TENM1: variants seen among roughly 807,000 people sequenced by gnomAD.
TENM1 encodes the protein teneurin transmembrane protein 1, also known as teneurin-1.
Under a neutral mutation model 174.8 loss-of-function variants are expected in TENM1, and 35 were observed. That is an observed-to-expected ratio of 0.20 (90% CI 0.15 to 0.27). The LOEUF (loss-of-function observed/expected upper bound fraction) is 0.27, where lower values mean the gene tolerates loss of function less well. TENM1 is among the 10% of genes least tolerant of loss of function. The pLI, the probability that TENM1 is intolerant of heterozygous loss-of-function variation, is 1.00. For missense variants in TENM1, 1,633 were observed against 2,130.1 expected, an observed-to-expected ratio of 0.77 and a Z score of 4.59; for synonymous variants, 781 against 798.7, an observed-to-expected ratio of 0.98 and a Z score of 0.37.
the TENM1 span, among the ~76,000 whole-genome samples, chrX:125,172,987 C>T: frequency 9.0e-6 from 1 of 111,485 alleles, no homozygotes; most frequent in East Asian, 2.8e-4. Context: ...GCTTGATAAA[C>T]CACATAGCTG....
At chrX:125,123,125 T>C in the TENM1 span, among the ~76,000 whole-genome samples, 74 of 111,917 alleles carry the variant, frequency 6.6e-4, no homozygotes, top group Middle Eastern at 9.2e-3. Context: ...ATTACACAAC[T>C]GAACATACTT....
At chrX:124,907,551 C>A (rs1358432699) in intron 1 of TENM1, among the ~76,000 whole-genome samples, 1 of 111,776 alleles carries the variant, frequency 8.9e-6, no homozygotes, top group Non-Finnish European at 1.9e-5. Context: ...CTCTCATAAT[C>A]CTGGCTATTC....
the TENM1 span, among the ~76,000 whole-genome samples, chrX:124,999,921 T>C: frequency 1.5e-3 from 164 of 111,673 alleles, no homozygotes; most frequent in Non-Finnish European, 2.1e-3. Context: ...AAACACCTTA[T>C]TGTCTTTCAA....
intron 11 of TENM1, among the ~76,000 whole-genome samples, chrX:124,637,378 G>A (rs748792238): frequency 1.8e-5 from 2 of 110,689 alleles, no homozygotes; most frequent in Middle Eastern, 4.7e-3. Context: ...GTGAGCCACC[G>A]CGCCTGGCCC....
At chrX:124,470,202 A>C (rs2061284098) in intron 22 of TENM1, among the ~76,000 whole-genome samples, 1 of 112,277 alleles carries the variant, frequency 8.9e-6, no homozygotes, top group Admixed American at 9.5e-5. Flanking sequence ...GATTAAAAAC[A>C]AGCAACAAGT....
upstream of TENM1, among the ~76,000 whole-genome samples, chrX:124,967,319 G>A (rs1030872155): frequency 3.6e-5 from 4 of 111,405 alleles, no homozygotes; most frequent in South Asian, 7.8e-4. Flanking sequence ...GGCTTCCAGA[G>A]ATGTAGTTTT....
At chrX:124,776,770 G>A (rs1378867930) in intron 3 of TENM1, among the ~76,000 whole-genome samples, 1 of 111,342 alleles carries the variant, frequency 9.0e-6, no homozygotes, top group Non-Finnish European at 1.9e-5. Context: ...AGATGGGCTG[G>A]ACACACAAAT....
At chrX:124,489,488 T>C (rs771890487) in intron 20 of TENM1, among the ~76,000 whole-genome samples, 8 of 111,872 alleles carry the variant, frequency 7.2e-5, no homozygotes, top group Admixed American at 1.9e-4. Context: ...ATTTTCATCA[T>C]GCTATGAAGA....
intron 25 of TENM1, among the ~76,000 whole-genome samples, chrX:124,414,959 C>A (rs933741624): frequency 4.5e-5 from 5 of 111,805 alleles, no homozygotes; most frequent in Non-Finnish European, 9.4e-5. Context: ...CATAAAGAAG[C>A]CTCCCTTTTA....
At chrX:124,519,256 T>G (rs938892198) in intron 18 of TENM1, among the ~76,000 whole-genome samples, 3 of 111,791 alleles carry the variant, frequency 2.7e-5, no homozygotes, top group African/African-American at 9.8e-5. Context: ...TTCTTATTTT[T>G]TTGTGTGTCT....
chrX:125,183,445 A>C, the TENM1 span, among the ~76,000 whole-genome samples: 1 of 111,991 alleles, frequency 8.9e-6, no homozygotes, highest in Admixed American at 9.5e-5. Flanking sequence ...TAAATGTTTT[A>C]ATATGAACTC....
At chrX:124,647,898 T>C (rs1343260287) in intron 8 of TENM1, among the ~76,000 whole-genome samples, 1 of 111,802 alleles carries the variant, frequency 8.9e-6, no homozygotes, top group Non-Finnish European at 1.9e-5. Flanking sequence ...TCAATCTAAA[T>C]TACCTGCTTC....
intron 19 of TENM1, among the ~76,000 whole-genome samples, chrX:124,500,957 C>A (rs1176773634): frequency 9.0e-6 from 1 of 111,531 alleles, no homozygotes; most frequent in African/African-American, 3.3e-5. Flanking sequence ...CTTCTCCTCC[C>A]AGTAAAACCA....
intron 5 of TENM1, among the ~76,000 whole-genome samples, chrX:124,684,311 G>A (rs2052307385): frequency 1.8e-5 from 2 of 112,034 alleles, no homozygotes; most frequent in African/African-American, 6.5e-5. Context: ...AGTATCTGGT[G>A]GAACACAGAC....
chrX:125,115,720 T>C, the TENM1 span, among the ~76,000 whole-genome samples: 29 of 110,614 alleles, frequency 2.6e-4, no homozygotes, highest in East Asian at 8.0e-3. Context: ...TACAAGCCAC[T>C]TGTCAAGGAA....
At chrX:124,500,339 A>G (rs2047300685) in intron 19 of TENM1, among the ~76,000 whole-genome samples, 1 of 112,188 alleles carries the variant, frequency 8.9e-6, no homozygotes, top group Non-Finnish European at 1.9e-5. Flanking sequence ...TGTTTCAAGA[A>G]TCTGTTTAAC....
At chrX:124,715,419 A>T (rs1363970912) in intron 4 of TENM1, among the ~76,000 whole-genome samples, 1 of 111,043 alleles carries the variant, frequency 9.0e-6, no homozygotes, top group African/African-American at 3.3e-5. Flanking sequence ...CATTTTGTAA[A>T]GAAACTCAAT....
rs367576062 is a variant in TENM1, at chrX:124,464,255, A to C, written c.3950-10764T>G. Among the ~76,000 whole-genome samples, 4 of 111,473 alleles carry C rather than the reference A, an allele frequency of 3.6e-5. No individual in the cohort carries two copies. The East Asian group carries it at 1.1e-3, about 31-fold the overall frequency. On this transcript the variant is annotated intron_variant, in intron 22 of 31. Coordinates refer to ENST00000422452, the Ensembl canonical transcript of TENM1. ...GCAAAAAACTAATTGCAGTTGTTGC[A>C]CTCTAGGGAAAATGAGTCTATCTCA...
chrX:125,048,567 T>C, the TENM1 span, among the ~76,000 whole-genome samples: 3 of 111,489 alleles, frequency 2.7e-5, no homozygotes, highest in East Asian at 5.7e-4. Context: ...AGAGACAGAT[T>C]GATGGTTGCA....
Sources: gnomAD v4.1 joint callset for allele counts (sites outside exome capture counted in the v4.1 genomes callset) on GRCh38, gnomAD v4.1.1 for gene constraint, MANE v1.5 for transcripts, NCBI Gene and HGNC (gene_info 2026-07-23, HGNC 2026-07-21) for gene names.